SMYD3: variants seen among roughly 807,000 people sequenced by gnomAD.
The protein encoded by SMYD3 is histone-lysine N-methyltransferase SMYD3.
A neutral mutation model predicts 57.7 loss-of-function variants in SMYD3; 36 were observed. The observed-to-expected ratio is 0.62, with a 90% CI of 0.48 to 0.82. The LOEUF is 0.82. Among genes scored for constraint, SMYD3 ranks in the 40% least tolerant of loss-of-function variants. SMYD3 has a pLI of 0.00. For missense variants in SMYD3, 515 were observed against 538.8 expected (o/e 0.96, Z 0.44); for synonymous variants, 211 against 195.0 (o/e 1.08, Z -0.68).
intron 10 of SMYD3, among the ~76,000 whole-genome samples, chr1:245,779,168 A>G (rs1273303826): frequency 6.8e-6 from 1 of 146,764 alleles, no homozygotes; most frequent in Non-Finnish European, 1.5e-5. Flanking sequence ...CCAAGGGGAA[A>G]AAAAAAAAAA....
chr1:246,258,855 A>G (rs1173388287), intron 5 of SMYD3, among the ~76,000 whole-genome samples: 1 of 152,086 alleles, frequency 6.6e-6, no homozygotes, highest in Non-Finnish European at 1.5e-5. Context: ...AATGCCAATA[A>G]TTTGTAGTTT....
intron 5 of SMYD3, among the ~76,000 whole-genome samples, chr1:246,165,108 G>C (rs1049917043): frequency 2.6e-5 from 4 of 152,178 alleles, no homozygotes; most frequent in African/African-American, 9.7e-5. Flanking sequence ...GAAAGGGAGC[G>C]GTCCACAGGA....
At chr1:246,227,956 CTTTTTTTTTTT>C (rs202246263) in intron 5 of SMYD3, among the ~76,000 whole-genome samples, 14 of 115,594 alleles carry the variant, frequency 1.2e-4, no homozygotes, top group African/African-American at 4.4e-4. Context: ...ATTTTTATTC[CTTTTTTTTTTT>C]TTTTTTTTTT....
At chr1:246,166,249 A>C (rs2062208392) in intron 5 of SMYD3, among the ~76,000 whole-genome samples, 1 of 152,214 alleles carries the variant, frequency 6.6e-6, no homozygotes, top group Admixed American at 6.5e-5. Flanking sequence ...CTCTGGGCAC[A>C]GGCTGCACCA....
chr1:246,184,951 T>C (rs2062608892), intron 5 of SMYD3, among the ~76,000 whole-genome samples: 1 of 152,220 alleles, frequency 6.6e-6, no homozygotes, highest in Non-Finnish European at 1.5e-5. Flanking sequence ...TGATGCTTAA[T>C]AGTGACTACC....
At chr1:246,091,519 C>T (rs1558220192) in intron 5 of SMYD3, among the ~76,000 whole-genome samples, 5 of 149,584 alleles carry the variant, frequency 3.3e-5, no homozygotes, top group East Asian at 2.0e-4. Flanking sequence ...GAACTGAAGT[C>T]GGTTCTGGAC....
intron 10 of SMYD3, among the ~76,000 whole-genome samples, chr1:245,822,572 A>G (rs983644127): frequency 2.7e-5 from 4 of 149,208 alleles, no homozygotes; most frequent in African/African-American, 1.0e-4. Flanking sequence ...AAAAAAAGCC[A>G]CCGCCAGCAT....
intron 7 of SMYD3, among the ~76,000 whole-genome samples, 182 bp from the exon 8 acceptor site, chr1:245,915,822 A>C (rs1236852545): frequency 6.6e-6 from 1 of 152,148 alleles, no homozygotes; most frequent in Non-Finnish European, 1.5e-5. Context: ...TTTTTAATCT[A>C]TTTCCTTTCA....
chr1:245,997,339 G>A (rs2058950917), intron 5 of SMYD3, among the ~76,000 whole-genome samples: 1 of 152,250 alleles, frequency 6.6e-6, no homozygotes, highest in Non-Finnish European at 1.5e-5. Flanking sequence ...TCAGAAGTAC[G>A]AGCATCTTTC....
At chr1:246,141,003 T>C (rs2061745461) in intron 5 of SMYD3, among the ~76,000 whole-genome samples, 1 of 152,204 alleles carries the variant, frequency 6.6e-6, no homozygotes. Context: ...TACTATCTTA[T>C]ATAACTTATG....
chr1:246,102,910 T>C (rs2061044541), intron 5 of SMYD3, among the ~76,000 whole-genome samples: 1 of 151,966 alleles, frequency 6.6e-6, no homozygotes. Context: ...CAAAAACTAT[T>C]CTCCTTCACT....
At chr1:246,412,992 A>G (rs1254202619) in intron 1 of SMYD3, among the ~76,000 whole-genome samples, 1 of 152,220 alleles carries the variant, frequency 6.6e-6, no homozygotes, top group African/African-American at 2.4e-5. Context: ...AGGTTGAAGA[A>G]ATCAAGGCAG....
chr1:245,789,017 G>T (rs186301563), intron 10 of SMYD3: 2 of 152,170 alleles, frequency 1.3e-5, no homozygotes, highest in Non-Finnish European at 1.5e-5. Context: ...AAAGCATTCC[G>T]AAAGTTTCTC....
chr1:245,781,335 A>T (rs573105072), intron 10 of SMYD3, among the ~76,000 whole-genome samples: 1 of 152,264 alleles, frequency 6.6e-6, no homozygotes, highest in Non-Finnish European at 1.5e-5. Context: ...ACTGAAGCAT[A>T]GACAGATTAA....
intron 5 of SMYD3, 106 bp downstream of exon 5, chr1:246,327,095 G>T: frequency 7.5e-7 from 1 of 1,329,576 alleles, no homozygotes. Flanking sequence ...AGGCATTAAG[G>T]GTCTTGAATT....
At chr1:245,898,983 A>T (rs1471277525) in intron 8 of SMYD3, among the ~76,000 whole-genome samples, 2 of 152,204 alleles carry the variant, frequency 1.3e-5, no homozygotes, top group Admixed American at 6.5e-5. Context: ...ATTACAAATG[A>T]CAACTGTAAA....
At chr1:245,932,869 A>G (rs947621797) in intron 5 of SMYD3, among the ~76,000 whole-genome samples, 11 of 152,186 alleles carry the variant, frequency 7.2e-5, no homozygotes, top group African/African-American at 2.7e-4. Flanking sequence ...GATTTCATCT[A>G]TATTAGTCTG....
At chr1:245,982,896 A>G (rs2058627790) in intron 5 of SMYD3, among the ~76,000 whole-genome samples, 1 of 152,220 alleles carries the variant, frequency 6.6e-6, no homozygotes, top group African/African-American at 2.4e-5. Context: ...ACACTTGCAA[A>G]GCGGTTCAAA....
chr1:246,128,911 C>A (rs1210009999), intron 5 of SMYD3, among the ~76,000 whole-genome samples: 2 of 152,072 alleles, frequency 1.3e-5, no homozygotes, highest in Non-Finnish European at 2.9e-5. Context: ...TCAGGTGATC[C>A]TCCCACCTCA....
Sources: gnomAD v4.1 joint callset for allele counts (sites outside exome capture counted in the v4.1 genomes callset) on GRCh38, gnomAD v4.1.1 for gene constraint, MANE v1.5 for transcripts, NCBI Gene and HGNC (gene_info 2026-07-23, HGNC 2026-07-21) for gene names.